The following PACRG variants were observed in gnomAD, a reference collection of about 807,000 sequenced individuals.
PACRG encodes parkin coregulated, also known as parkin coregulated gene protein.
PACRG carries 29 observed loss-of-function variants against 29.7 expected under a neutral mutation model. The ratio of observed to expected loss-of-function variants is 0.98; its 90% CI spans 0.73 to 1.33. The LOEUF is 1.33. Among genes scored for constraint, PACRG ranks in the 40% most tolerant of loss-of-function variants. The pLI is 0.00. For missense variants in PACRG, 279 were observed against 316.2 expected, an observed-to-expected ratio of 0.88 and a Z score of 0.89; for synonymous variants, 116 against 118.7, an observed-to-expected ratio of 0.98 and a Z score of 0.15.
intron 2 of PACRG, among the ~76,000 whole-genome samples, chr6:163,043,411 G>A (rs1425737221): frequency 6.6e-6 from 1 of 152,018 alleles, no homozygotes; most frequent in Non-Finnish European, 1.5e-5. Flanking sequence ...CAAAAACTAG[G>A]TGGGCATGGT....
At chr6:162,752,214 C>G (rs769107593) in intron 1 of PACRG, among the ~76,000 whole-genome samples, 1 of 152,130 alleles carries the variant, frequency 6.6e-6, no homozygotes, top group Non-Finnish European at 1.5e-5. Context: ...CACATGCACA[C>G]ACACGCAAAG....
At chr6:162,742,500 A>G (rs1324343191) in intron 1 of PACRG, among the ~76,000 whole-genome samples, 1 of 152,124 alleles carries the variant, frequency 6.6e-6, no homozygotes, top group African/African-American at 2.4e-5. Context: ...CTAATACAAC[A>G]TGTAAGTGAG....
chr6:162,928,470 T>A (rs986160793), intron 2 of PACRG, among the ~76,000 whole-genome samples: 3 of 152,050 alleles, frequency 2.0e-5, no homozygotes, highest in African/African-American at 7.2e-5. Flanking sequence ...AAACTATTTT[T>A]AAATTTTTTG....
chr6:162,867,996 C>T (rs537132844), intron 2 of PACRG, among the ~76,000 whole-genome samples: 2 of 152,202 alleles, frequency 1.3e-5, no homozygotes, highest in East Asian at 1.9e-4. Flanking sequence ...GAAAGCTTAG[C>T]TTTGTATTGC....
intron 2 of PACRG, among the ~76,000 whole-genome samples, chr6:162,989,860 G>A (rs1463297187): frequency 1.3e-5 from 2 of 151,606 alleles, no homozygotes; most frequent in Non-Finnish European, 2.9e-5. Flanking sequence ...CTAGCCTTAG[G>A]TATATCTCCC....
intron 4 of PACRG, among the ~76,000 whole-genome samples, chr6:163,285,344 C>A (rs560336148): frequency 4.8e-4 from 73 of 152,234 alleles, no homozygotes; most frequent in African/African-American, 1.3e-3. Context: ...GACACATCCC[C>A]ACTCGGGCAG....
At chr6:163,054,618 T>C (rs1255429951) in intron 2 of PACRG, among the ~76,000 whole-genome samples, 4 of 152,184 alleles carry the variant, frequency 2.6e-5, no homozygotes, top group Admixed American at 6.5e-5. Context: ...ACAGACAATT[T>C]GAATTTGAAT....
In PACRG at chr6:163,121,400, C is replaced by T. The variant is rs73593769; in HGVS notation, c.613+31992C>T. On this transcript the variant is annotated intron_variant, in intron 4 of 4. Coordinates refer to ENST00000366888, the MANE Select transcript of PACRG (RefSeq NM_001080379.2). ...TACAAATTAGTCTGTCACTTCTATT[C>T]GATGGATTATCTGTCTACCTCGGGG... is the stretch of plus-strand genomic sequence containing the variant. 5.5e-3 allele frequency among the ~76,000 whole-genome samples: 834 copies of T among 152,216 alleles called. 13 individuals carry two copies. The highest frequency in any genetic ancestry group is 0.019 in the African/African-American group (780 of 41,526).
intron 4 of PACRG, among the ~76,000 whole-genome samples, chr6:163,157,226 A>G (rs1223257804): frequency 1.3e-5 from 2 of 152,210 alleles, no homozygotes; most frequent in African/African-American, 2.4e-5. Flanking sequence ...GCCTACATTC[A>G]AGAAACCACT....
intron 4 of PACRG, among the ~76,000 whole-genome samples, chr6:163,233,136 T>C (rs1782110924): frequency 6.6e-6 from 1 of 152,272 alleles, no homozygotes; most frequent in African/African-American, 2.4e-5. Context: ...AAGTATTCTT[T>C]GCTGCAATCC....
At chr6:162,909,321 C>T (rs1245589224) in intron 2 of PACRG, among the ~76,000 whole-genome samples, 3 of 151,932 alleles carry the variant, frequency 2.0e-5, no homozygotes, top group South Asian at 2.1e-4. Context: ...TTTGGGAGGC[C>T]GACGTGGGCG....
rs567470358 is a variant in PACRG, at chr6:162,855,234, A to G, written c.291+40953A>G. Among the ~76,000 whole-genome samples, 3 of 152,338 alleles carry G rather than the reference A, an allele frequency of 2.0e-5. No individual in the cohort carries two copies. The South Asian group carries it at 6.2e-4, about 32-fold the overall frequency. On this transcript the variant is annotated intron_variant, in intron 2 of 4. Coordinates refer to ENST00000366888, the MANE Select transcript of PACRG (RefSeq NM_001080379.2). Reference sequence around the variant, plus strand: ...AAGGATTAGGTGGAGGAGTGCCTGTAAAACACTTAGCACCCTATCTGGCAC... The same window carrying G: ...AAGGATTAGGTGGAGGAGTGCCTGTGAAACACTTAGCACCCTATCTGGCAC...
chr6:163,187,794 G>C (rs936449800), intron 4 of PACRG: 1 of 152,494 alleles, frequency 6.6e-6, no homozygotes, highest in East Asian at 1.9e-4. Flanking sequence ...GACGCGGCAC[G>C]TGACCCCACC....
At chr6:162,945,926 G>A (rs927261868) in intron 2 of PACRG, among the ~76,000 whole-genome samples, 4 of 152,094 alleles carry the variant, frequency 2.6e-5, no homozygotes, top group Admixed American at 6.6e-5. Flanking sequence ...GGTCATGGAA[G>A]AAGTTAAGGA....
chr6:162,841,982 C>G (rs1316727885), intron 2 of PACRG, among the ~76,000 whole-genome samples: 1 of 149,964 alleles, frequency 6.7e-6, no homozygotes, highest in Admixed American at 6.7e-5. Context: ...AATCTCTGTT[C>G]TTTTACATTT....
chr6:162,896,358 T>C (rs1201601332), intron 2 of PACRG, among the ~76,000 whole-genome samples: 2 of 152,168 alleles, frequency 1.3e-5, no homozygotes, highest in African/African-American at 4.8e-5. Context: ...GAATGACACA[T>C]TTTGTGGTTC....
intron 1 of PACRG, among the ~76,000 whole-genome samples, chr6:162,775,354 G>T (rs1194857306): frequency 6.6e-6 from 1 of 152,186 alleles, no homozygotes; most frequent in Non-Finnish European, 1.5e-5. Flanking sequence ...TTTGACCTCT[G>T]TGCTTACCTG....
At chr6:163,273,472 A>C (rs1182307771) in intron 4 of PACRG, among the ~76,000 whole-genome samples, 1 of 152,162 alleles carries the variant, frequency 6.6e-6, no homozygotes, top group East Asian at 1.9e-4. Context: ...TTAGACAAGA[A>C]TAGCTTTTTG....
At position 162,963,099 on chromosome 6, in the gene PACRG, A is replaced by C. The variant is rs1800763314; in HGVS notation, c.292-99051A>C. On this transcript the variant is annotated intron_variant, in intron 2 of 4. Transcript: ENST00000366888. The stretch of plus-strand genomic sequence containing the variant: ...AGGATAAAAATCAGAATAACTAAAA[A>C]CTTAGTTATGAAAAGGAAGGCAAGG... 2.0e-5 allele frequency among the ~76,000 whole-genome samples: 3 copies of C among 152,294 alleles called. No homozygotes were observed. In the South Asian group the frequency reaches 6.2e-4, roughly 32 times the overall value.
Sources: allele counts gnomAD v4.1 joint callset (sites outside exome capture counted in the v4.1 genomes callset), GRCh38; gene constraint gnomAD v4.1.1; transcripts MANE v1.5; gene names NCBI Gene and HGNC (gene_info 2026-07-23, HGNC 2026-07-21).